Variants in PRKCQ observed in about 807,000 individuals in gnomAD.
PRKCQ encodes the protein protein kinase C theta type.
PRKCQ carries 41 observed loss-of-function variants against 91.2 expected under a neutral mutation model. That is an observed-to-expected ratio of 0.45 (90% CI 0.35 to 0.58). PRKCQ has a LOEUF of 0.58. PRKCQ is among the 20% of genes least tolerant of loss of function. The pLI is 0.00. For synonymous variants in PRKCQ, 307 were observed against 316.9 expected, an observed-to-expected ratio of 0.97 and a Z score of 0.33; for missense variants, 673 against 896.5, an observed-to-expected ratio of 0.75 and a Z score of 3.18.
chr10:6,467,391 G>C (rs1835736253), intron 12 of PRKCQ, among the ~76,000 whole-genome samples: 1 of 32,336 alleles, frequency 3.1e-5, no homozygotes, highest in African/African-American at 9.9e-5. Flanking sequence ...GAGACAGACA[G>C]AGAGAGAGAG....
intron 15 of PRKCQ, among the ~76,000 whole-genome samples, chr10:6,444,669 G>A (rs552764648): frequency 1.3e-5 from 2 of 151,126 alleles, no homozygotes; most frequent in South Asian, 2.1e-4. Flanking sequence ...AATGTGTTTG[G>A]GCTTAGCTGG....
chr10:6,426,566 T>C (rs542317475), downstream of PRKCQ, among the ~76,000 whole-genome samples: 59 of 152,278 alleles, frequency 3.9e-4, no homozygotes, highest in Non-Finnish European at 8.1e-4. Flanking sequence ...CATCTGAAGA[T>C]AGATGCCCAT....
downstream of PRKCQ, among the ~76,000 whole-genome samples, chr10:6,426,009 C>T (rs768203984): frequency 2.7e-4 from 41 of 151,878 alleles, no homozygotes; most frequent in Non-Finnish European, 5.3e-4. Context: ...GAGGAGAGGA[C>T]GACTGGAAGG....
At chr10:6,447,812 G>A (rs781193054) in intron 15 of PRKCQ, among the ~76,000 whole-genome samples, 1 of 152,202 alleles carries the variant, frequency 6.6e-6, no homozygotes, top group South Asian at 2.1e-4. Context: ...TTACAGACAC[G>A]TTTGTAGGTG....
intron 12 of PRKCQ, 92 bp downstream of exon 12, chr10:6,478,900 A>AT: frequency 7.1e-7 from 1 of 1,409,104 alleles, no homozygotes; most frequent in Non-Finnish European, 9.7e-7. Context: ...ATATGGAGGC[A>AT]ATGACTCGTG....
intron 1 of PRKCQ, among the ~76,000 whole-genome samples, chr10:6,566,152 T>C (rs1433548649): frequency 6.6e-6 from 1 of 152,234 alleles, no homozygotes; most frequent in Non-Finnish European, 1.5e-5. Flanking sequence ...AATCATGTTT[T>C]GCTGTTGCTA....
chr10:6,505,610 C>T (rs1486723312), intron 4 of PRKCQ, among the ~76,000 whole-genome samples: 1 of 126,976 alleles, frequency 7.9e-6, no homozygotes, highest in Non-Finnish European at 1.8e-5. Context: ...CCCTCTCTCT[C>T]TCTCCCTTCC....
At chr10:6,453,058 C>T (rs960381826) in intron 15 of PRKCQ, among the ~76,000 whole-genome samples, 9 of 151,812 alleles carry the variant, frequency 5.9e-5, no homozygotes, top group African/African-American at 1.9e-4. Flanking sequence ...GCAACAAAAG[C>T]CAAAATTGAC....
At chr10:6,528,863 G>A (rs887284875) in intron 1 of PRKCQ, among the ~76,000 whole-genome samples, 5 of 152,188 alleles carry the variant, frequency 3.3e-5, no homozygotes, top group Admixed American at 2.6e-4. Context: ...TATGACTGTA[G>A]GGACAGGCTT....
the PRKCQ span, among the ~76,000 whole-genome samples, chr10:6,420,332 G>A: frequency 6.6e-6 from 1 of 152,138 alleles, no homozygotes; most frequent in Non-Finnish European, 1.5e-5. Flanking sequence ...TTGTGTGGAC[G>A]CTCCACTCCC....
At chr10:6,457,414 G>T (rs1412618276) in intron 14 of PRKCQ, among the ~76,000 whole-genome samples, 1 of 152,036 alleles carries the variant, frequency 6.6e-6, no homozygotes, top group African/African-American at 2.4e-5. Context: ...TTGGTCCAAG[G>T]GGGCTTTCTA....
intron 15 of PRKCQ, 54 bp downstream of exon 15, chr10:6,456,620 T>C (rs1588687678): frequency 3.2e-6 from 5 of 1,585,796 alleles, no homozygotes; most frequent in South Asian, 1.1e-5. Context: ...AAAGAAGCAA[T>C]GGCATGTGGC....
At chr10:6,394,982 G>A in the PRKCQ span, among the ~76,000 whole-genome samples, 1 of 150,932 alleles carries the variant, frequency 6.6e-6, no homozygotes, top group Non-Finnish European at 1.5e-5. Context: ...AGAGGGAGCC[G>A]ATTTATCAAG....
intron 1 of PRKCQ, among the ~76,000 whole-genome samples, chr10:6,528,588 C>T (rs1208593070): frequency 1.3e-5 from 2 of 152,176 alleles, no homozygotes; most frequent in South Asian, 2.1e-4. Context: ...TCTGCCTCTC[C>T]GTTTGTTCTA....
chr10:6,447,854 C>A (rs1191306062), intron 15 of PRKCQ, among the ~76,000 whole-genome samples: 1 of 152,204 alleles, frequency 6.6e-6, no homozygotes, highest in African/African-American at 2.4e-5. Context: ...AAAGACCCTG[C>A]AGGGCAGCAT....
intron 4 of PRKCQ, among the ~76,000 whole-genome samples, chr10:6,500,802 GTGAGTAAACTGCCTTGC>G (rs2130828912): frequency 6.6e-6 from 1 of 152,214 alleles, no homozygotes; most frequent in African/African-American, 2.4e-5. Context: ...CTGAGCAGCT[GTGAGTAAACTGCCTTGC>G]TGAGTGTGCT....
chr10:6,422,747 T>C (rs79920657), downstream of PRKCQ, among the ~76,000 whole-genome samples: 2,980 of 152,262 alleles, frequency 0.02, 114 homozygotes, highest in African/African-American at 0.069. Flanking sequence ...GCATATTTTA[T>C]AGTCAAAGCT....
Position 6,438,971 on chromosome 10 carries a change from G to A in PRKCQ, c.1836+2922C>T, listed in dbSNP as rs552825600. ...TATTTGCTGGGACAGCTCAGTATAT[G>A]TAGGTCCTTATTATTCTTCTATGTA... On this transcript the variant is annotated intron_variant, in intron 16 of 17. Transcript: ENST00000263125. Among the ~76,000 whole-genome samples the A allele has an allele frequency of 1.8e-4, 28 of 152,378 alleles. No homozygotes were observed. The South Asian group carries it at 5.8e-3, about 32-fold the overall frequency.
the PRKCQ span, among the ~76,000 whole-genome samples, chr10:6,418,469 C>T: frequency 2.0e-5 from 3 of 151,034 alleles, no homozygotes; most frequent in African/African-American, 7.3e-5. Context: ...TCCTCCCCTG[C>T]TTTCTCCCCC....
Sources: allele counts gnomAD v4.1 joint callset (sites outside exome capture counted in the v4.1 genomes callset), GRCh38; gene constraint gnomAD v4.1.1; transcripts MANE v1.5; gene names NCBI Gene and HGNC (gene_info 2026-07-23, HGNC 2026-07-21).